CNTNAP5: variants seen among roughly 807,000 people sequenced by gnomAD.
CNTNAP5 encodes the protein contactin-associated protein-like 5.
CNTNAP5 carries 72 observed loss-of-function variants against 150.2 expected under a neutral mutation model. The ratio of observed to expected loss-of-function variants is 0.48; its 90% CI spans 0.40 to 0.58. The LOEUF (loss-of-function observed/expected upper bound fraction) is 0.58, where lower values mean the gene tolerates loss of function less well. Ranked by LOEUF, CNTNAP5 falls within the 20% of genes least tolerant of loss-of-function variation. The probability of loss-of-function intolerance (pLI) is 0.00; values close to 1 mark genes in which losing one functional copy is unlikely to be tolerated. For synonymous variants in CNTNAP5, 672 were observed against 619.8 expected (o/e 1.08, Z -1.25); for missense variants, 1,636 against 1,626.2 (o/e 1.01, Z -0.10).
At chr2:124,040,291 T>C (rs930899434) in intron 1 of CNTNAP5, among the ~76,000 whole-genome samples, 4 of 152,144 alleles carry the variant, frequency 2.6e-5, no homozygotes, top group African/African-American at 9.7e-5. Flanking sequence ...AATCAGGAGA[T>C]CGTGATATTT....
At chr2:124,108,612 C>T (rs561066706) in intron 1 of CNTNAP5, among the ~76,000 whole-genome samples, 1 of 152,276 alleles carries the variant, frequency 6.6e-6, no homozygotes, top group South Asian at 2.1e-4. Flanking sequence ...CTCTCATGTG[C>T]ACATTAGAAG....
intron 19 of CNTNAP5, among the ~76,000 whole-genome samples, chr2:124,825,848 A>G (rs1221017745): frequency 6.6e-6 from 1 of 152,138 alleles, no homozygotes; most frequent in Non-Finnish European, 1.5e-5. Context: ...ATTACATCCC[A>G]TGCTTTGTAT....
At chr2:124,317,319 T>C (rs1688992540) in intron 3 of CNTNAP5, among the ~76,000 whole-genome samples, 1 of 152,204 alleles carries the variant, frequency 6.6e-6, no homozygotes, top group South Asian at 2.1e-4. Flanking sequence ...TTTTATCCAA[T>C]GTTACCAATA....
intron 16 of CNTNAP5, among the ~76,000 whole-genome samples, chr2:124,766,017 C>T (rs1004079265): frequency 1.3e-5 from 2 of 151,996 alleles, no homozygotes; most frequent in East Asian, 3.9e-4. Context: ...TCTATTGAAA[C>T]AGACCAACAA....
chr2:124,181,787 T>A (rs149740823), intron 1 of CNTNAP5, among the ~76,000 whole-genome samples: 21 of 152,228 alleles, frequency 1.4e-4, no homozygotes, highest in African/African-American at 4.6e-4. Flanking sequence ...AAATGCGCTC[T>A]GAGATGTAGA....
Position 124,198,530 on chromosome 2 carries a change from G to A in CNTNAP5, c.83-23175G>A, listed in dbSNP as rs1029901734. On this transcript the variant is annotated intron_variant, in intron 1 of 23. Coordinates refer to ENST00000682447, the MANE Select transcript of CNTNAP5 (RefSeq NM_001367498.1). ...GCCTATCATCCTGGAAGTGAGCAAAGTACCCAATAGGTAGTTTTTCAACAC... is the reference window on the plus strand; with the variant it reads ...GCCTATCATCCTGGAAGTGAGCAAAATACCCAATAGGTAGTTTTTCAACAC... Among the ~76,000 whole-genome samples the A allele has an allele frequency of 2.6e-5, 4 of 152,022 alleles. No homozygotes were observed. In the East Asian group the frequency reaches 7.7e-4, roughly 29 times the overall value.
At chr2:124,194,725 C>A (rs939729827) in intron 1 of CNTNAP5, among the ~76,000 whole-genome samples, 5 of 150,158 alleles carry the variant, frequency 3.3e-5, no homozygotes, top group Admixed American at 2.7e-4. Flanking sequence ...TTATATATAA[C>A]CTTATATATT....
At chr2:124,307,171 G>A (rs999342433) in intron 3 of CNTNAP5, among the ~76,000 whole-genome samples, 2 of 152,106 alleles carry the variant, frequency 1.3e-5, no homozygotes, top group African/African-American at 4.8e-5. Context: ...AAATCAGGGT[G>A]CCAGAATGAT....
intron 3 of CNTNAP5, among the ~76,000 whole-genome samples, chr2:124,290,779 T>C (rs965797819): frequency 1.3e-5 from 2 of 152,170 alleles, no homozygotes; most frequent in African/African-American, 2.4e-5. Flanking sequence ...CTGAACTTTA[T>C]TGAAGTTACA....
At chr2:124,287,037 T>C (rs1036292939) in intron 3 of CNTNAP5, among the ~76,000 whole-genome samples, 105 of 152,308 alleles carry the variant, frequency 6.9e-4, no homozygotes, top group African/African-American at 2.5e-3. Flanking sequence ...GAATGCTTCA[T>C]GTCCATCACA....
intron 13 of CNTNAP5, among the ~76,000 whole-genome samples, chr2:124,684,418 C>T (rs765031375): frequency 5.9e-5 from 9 of 152,198 alleles, no homozygotes; most frequent in Non-Finnish European, 1.2e-4. Context: ...TTCTATTGAA[C>T]ACTAGCTGTG....
chr2:124,463,964 T>C (rs945014164), intron 6 of CNTNAP5, among the ~76,000 whole-genome samples: 1 of 151,916 alleles, frequency 6.6e-6, no homozygotes, highest in Non-Finnish European at 1.5e-5. Flanking sequence ...ATGGAGCAAA[T>C]CAGAGTACCC....
intron 17 of CNTNAP5, among the ~76,000 whole-genome samples, chr2:124,787,227 C>A (rs1315017625): frequency 6.6e-6 from 1 of 152,154 alleles, no homozygotes; most frequent in African/African-American, 2.4e-5. Flanking sequence ...TGGGGAGTGA[C>A]AACAAAATGA....
At chr2:124,332,933 A>AT (rs1039876603) in intron 3 of CNTNAP5, among the ~76,000 whole-genome samples, 1 of 152,138 alleles carries the variant, frequency 6.6e-6, no homozygotes, top group African/African-American at 2.4e-5. Flanking sequence ...ATTTGAGCTT[A>AT]TTTTTTTATT....
chr2:124,735,049 G>A lies in CNTNAP5; in HGVS notation c.2078-12180G>A, dbSNP rs550298471. Among the ~76,000 whole-genome samples, 4 of 152,270 alleles carry A rather than the reference G, an allele frequency of 2.6e-5. No individual in the cohort carries two copies. In the South Asian group the frequency reaches 8.3e-4, roughly 32 times the overall value. On this transcript the variant is annotated intron_variant, in intron 13 of 23. Transcript: ENST00000682447. The stretch of plus-strand genomic sequence containing the variant: ...CATATCCTGGGTAAAATGCATTAAT[G>A]TATGGCTGTGTGATATCCATTTTAA...
intron 19 of CNTNAP5, among the ~76,000 whole-genome samples, chr2:124,810,895 A>G (rs1682202097): frequency 6.6e-6 from 1 of 152,236 alleles, no homozygotes; most frequent in South Asian, 2.1e-4. Context: ...GCGGCAAAAC[A>G]TCTGTAAAAC....
chr2:124,908,630 C>A (rs1678589948), intron 22 of CNTNAP5, among the ~76,000 whole-genome samples: 2 of 152,102 alleles, frequency 1.3e-5, no homozygotes, highest in South Asian at 4.1e-4. Flanking sequence ...GAACTTACTC[C>A]TCAATAAAAG....
chr2:124,346,046 T>C (rs1174373117), intron 3 of CNTNAP5, among the ~76,000 whole-genome samples: 2 of 150,854 alleles, frequency 1.3e-5, no homozygotes, highest in Non-Finnish European at 2.9e-5. Flanking sequence ...GCAGATATTT[T>C]GCTATCATAA....
At chr2:124,408,424 G>T (rs1691651591) in intron 3 of CNTNAP5, among the ~76,000 whole-genome samples, 1 of 152,210 alleles carries the variant, frequency 6.6e-6, no homozygotes, top group Admixed American at 6.5e-5. Flanking sequence ...CTCCACCTCT[G>T]GGGGCAGGGC....
Sources: allele counts gnomAD v4.1 joint callset (sites outside exome capture counted in the v4.1 genomes callset), GRCh38; gene constraint gnomAD v4.1.1; transcripts MANE v1.5; gene names NCBI Gene and HGNC (gene_info 2026-07-23, HGNC 2026-07-21).